TRMT11: variants seen among roughly 807,000 people sequenced by gnomAD.
The protein encoded by TRMT11 is tRNA methyltransferase 11, also known as tRNA (guanine(10)-N(2))-methyltransferase TRMT11.
In TRMT11, 53 loss-of-function variants were observed where a neutral mutation model predicts 62.8. The ratio of observed to expected loss-of-function variants is 0.84; its 90% confidence interval spans 0.68 to 1.06. The LOEUF is 1.06. Ranked by LOEUF, TRMT11 falls within the 50% of genes least tolerant of loss-of-function variation. The pLI is 0.00. For missense variants in TRMT11, 556 were observed against 553.4 expected, an observed-to-expected ratio of 1.00 and a Z score of -0.05; for synonymous variants, 188 against 190.3, an observed-to-expected ratio of 0.99 and a Z score of 0.10.
chr6:126,013,185 G>T, intron 11 of TRMT11, 84 bp downstream of exon 11: 1 of 1,195,832 alleles, frequency 8.4e-7, no homozygotes, highest in South Asian at 1.5e-5. Context: ...ATCTCTTCTT[G>T]CATTTGGTGC....
At chr6:126,043,823 C>A (rs1280328930), downstream of TRMT11, among the ~76,000 whole-genome samples, 1 of 151,518 alleles carries the variant, frequency 6.6e-6, no homozygotes, top group African/African-American at 2.4e-5. Flanking sequence ...AGCATTTTTT[C>A]ATGTGTCTTT....
Position 126,078,441 on chromosome 6 carries a change from G to A in TRMT11, c.*1437+25251G>A, listed in dbSNP as rs192708641. ...TGGACTCAGGCATTTTTTTTCTTCCGTTCCTGATTTCATTTTGTTATTCTT... is the reference window on the plus strand; with the variant it reads ...TGGACTCAGGCATTTTTTTTCTTCCATTCCTGATTTCATTTTGTTATTCTT... On this transcript the variant is annotated intron_variant and NMD_transcript_variant, in intron 17 of 22. Coordinates refer to the TRMT11 transcript ENST00000648977. Among the ~76,000 whole-genome samples the A allele has an allele frequency of 1.8e-3, 255 of 142,970 alleles. 1 individual carries two copies. Among genetic ancestry groups the A allele is most frequent in the South Asian group, 8.8e-3 (40 of 4,532 alleles). 93.8% of individuals were successfully genotyped at this position (142,970 alleles called of 152,430 possible). A position where few individuals can be genotyped will look rare whatever the true frequency, so the allele number is the denominator to read the frequency against.
chr6:126,191,930 T>G (rs1254290539), intron 1 of TRMT11, among the ~76,000 whole-genome samples: 1 of 152,106 alleles, frequency 6.6e-6, no homozygotes, highest in South Asian at 2.1e-4. Context: ...ATTTGGATTC[T>G]TCTGTGGTTC....
chr6:126,243,881 A>G, the TRMT11 span, among the ~76,000 whole-genome samples: 21 of 152,184 alleles, frequency 1.4e-4, no homozygotes, highest in Non-Finnish European at 2.4e-4. Flanking sequence ...ATGTATACAT[A>G]TGTAACAAAC....
chr6:126,016,602 T>C (rs6569450), intron 11 of TRMT11, among the ~76,000 whole-genome samples: 17,548 of 152,158 alleles, frequency 0.12, 3,299 homozygotes, highest in African/African-American at 0.39. Flanking sequence ...ATTTCTTCAA[T>C]GACTTCTCTA....
At chr6:125,989,271 G>C (rs944706177) in intron 1 of TRMT11, among the ~76,000 whole-genome samples, 2 of 152,044 alleles carry the variant, frequency 1.3e-5, no homozygotes, top group African/African-American at 4.8e-5. Flanking sequence ...GGGAGTACAG[G>C]CTTGCACCAC....
chr6:126,224,408 G>T, the TRMT11 span, among the ~76,000 whole-genome samples: 1 of 152,162 alleles, frequency 6.6e-6, no homozygotes, highest in Non-Finnish European at 1.5e-5. Flanking sequence ...ATGATTTCAG[G>T]GGGCTAAGGC....
downstream of TRMT11, among the ~76,000 whole-genome samples, chr6:126,206,472 T>C (rs920749430): frequency 3.3e-5 from 5 of 152,260 alleles, no homozygotes; most frequent in African/African-American, 9.6e-5. Context: ...TGCTCCACTT[T>C]AGTTCACAGC....
the TRMT11 span, among the ~76,000 whole-genome samples, chr6:126,269,034 G>A: frequency 1.3e-5 from 2 of 151,726 alleles, no homozygotes; most frequent in Non-Finnish European, 2.9e-5. Flanking sequence ...GGCCGAGGCG[G>A]GCGGATCACG....
intron 2 of TRMT11, among the ~76,000 whole-genome samples, chr6:125,995,526 A>T (rs1415609095): frequency 1.3e-5 from 2 of 152,208 alleles, no homozygotes; most frequent in African/African-American, 2.4e-5. Flanking sequence ...TAGTTGTTTC[A>T]AAGGGCCCCT....
At chr6:126,176,359 A>G (rs1415303321), upstream of TRMT11, among the ~76,000 whole-genome samples, 1 of 152,218 alleles carries the variant, frequency 6.6e-6, no homozygotes, top group Non-Finnish European at 1.5e-5. Flanking sequence ...TATTAAAGAA[A>G]AAAAGGTCCA....
chr6:126,035,731 A>G (rs1167294635), intron 12 of TRMT11, among the ~76,000 whole-genome samples: 1 of 152,226 alleles, frequency 6.6e-6, no homozygotes, highest in East Asian at 1.9e-4. Flanking sequence ...TGTTTTCTCA[A>G]TAATCGTTAG....
the TRMT11 span, among the ~76,000 whole-genome samples, chr6:126,226,874 TG>T: frequency 6.6e-6 from 1 of 152,170 alleles, no homozygotes; most frequent in African/African-American, 2.4e-5. Flanking sequence ...AATAGAATCA[TG>T]GGGGCAGGTC....
At chr6:126,195,701 TG>T (rs1778657875) in intron 1 of TRMT11, among the ~76,000 whole-genome samples, 1 of 152,200 alleles carries the variant, frequency 6.6e-6, no homozygotes, top group Non-Finnish European at 1.5e-5. Flanking sequence ...TCATCAGCCC[TG>T]GGGGTGACTC....
In TRMT11 at chr6:125,998,241, G is replaced by T. The variant is rs1031954799; in HGVS notation, c.313G>T (p.Asp105Tyr). 2 of 1,601,218 alleles carry T rather than the reference G, an allele frequency of 1.2e-6. No individual in the cohort carries two copies. Among genetic ancestry groups the T allele is most frequent in the African/African-American group, 1.3e-5 (1 of 74,602 alleles). ...VEKMVPFLHS[D>Y]STYKIKIHTF... ...ATTTTAGGTTCCATTTCTACATTCG[G>T]ACTCTACATATAAAATAAAGATTCA... is the stretch of plus-strand genomic sequence containing the variant. The change falls in exon 5 of 13, where the codon GAC becomes TAC. Residue 105 changes from aspartate to tyrosine, a missense_variant. Coordinates refer to ENST00000334379, the MANE Select transcript of TRMT11 (RefSeq NM_001031712.3).
intron 21 of TRMT11, among the ~76,000 whole-genome samples, chr6:126,135,346 A>G (rs1031331385): frequency 6.6e-6 from 1 of 151,754 alleles, no homozygotes; most frequent in Non-Finnish European, 1.5e-5. Flanking sequence ...ATCATTAGAG[A>G]CCATTATGAA....
intron 17 of TRMT11, among the ~76,000 whole-genome samples, chr6:126,080,267 T>A (rs1213561674): frequency 6.6e-6 from 1 of 150,468 alleles, no homozygotes; most frequent in Non-Finnish European, 1.5e-5. Flanking sequence ...TTTGCTTTAT[T>A]TTTTTTTTGT....
chr6:126,101,263 G>A (rs995163547), intron 17 of TRMT11, among the ~76,000 whole-genome samples: 6 of 152,102 alleles, frequency 3.9e-5, no homozygotes, highest in Admixed American at 6.5e-5. Context: ...CAGAAAAGAC[G>A]TGCTCTTAGG....
chr6:126,140,228 T>C (rs1777902165), intron 21 of TRMT11, among the ~76,000 whole-genome samples: 1 of 152,036 alleles, frequency 6.6e-6, no homozygotes, highest in Non-Finnish European at 1.5e-5. Flanking sequence ...GGATAAGCCC[T>C]ATTTGGTCCT....
Sources: gnomAD v4.1 joint callset for allele counts (sites outside exome capture counted in the v4.1 genomes callset) on GRCh38, gnomAD v4.1.1 for gene constraint, MANE v1.5 for transcripts, NCBI Gene and HGNC (gene_info 2026-07-23, HGNC 2026-07-21) for gene names.